STK4: variants seen among roughly 807,000 people sequenced by gnomAD.
STK4 encodes the protein serine/threonine-protein kinase 4.
A neutral mutation model predicts 64.9 loss-of-function variants in STK4; 30 were observed. That is an observed-to-expected ratio of 0.46 (90% CI 0.35 to 0.63). STK4 has a LOEUF of 0.63. Among genes scored for constraint, STK4 ranks in the 20% least tolerant of loss-of-function variants. STK4 has a pLI of 0.01. For missense variants in STK4, 466 were observed against 598.5 expected (o/e 0.78, Z 2.31); for synonymous variants, 177 against 199.0 (o/e 0.89, Z 0.93).
At chr20:45,060,921 C>T (rs1272983203) in intron 10 of STK4, among the ~76,000 whole-genome samples, 2 of 152,178 alleles carry the variant, frequency 1.3e-5, no homozygotes, top group Admixed American at 6.5e-5. Flanking sequence ...CCATACTCCT[C>T]GATCCTTACA....
intron 9 of STK4, among the ~76,000 whole-genome samples, chr20:45,015,649 A>C (rs2068128108): frequency 6.6e-6 from 1 of 152,218 alleles, no homozygotes. Context: ...ACAAAGGAGT[A>C]GTGGAGTGAA....
chr20:45,051,802 T>C (rs1354587679), intron 10 of STK4, among the ~76,000 whole-genome samples: 1 of 152,198 alleles, frequency 6.6e-6, no homozygotes, highest in African/African-American at 2.4e-5. Flanking sequence ...GATTATGCCA[T>C]TGTGGTTGAG....
chr20:45,028,440 C>T (rs1404253004), intron 10 of STK4, among the ~76,000 whole-genome samples: 2 of 151,954 alleles, frequency 1.3e-5, no homozygotes, highest in African/African-American at 2.4e-5. Flanking sequence ...AATCCTCCCA[C>T]CTCAGCCTTC....
chr20:45,053,308 T>C (rs778197283), intron 10 of STK4: 48 of 722,184 alleles, frequency 6.6e-5, no homozygotes, highest in Non-Finnish European at 9.4e-5. Flanking sequence ...CTTAAATGCC[T>C]GCGGTTTTTG....
chr20:44,978,729 A>T (rs1398447912), intron 3 of STK4, among the ~76,000 whole-genome samples, 158 bp downstream of exon 3: 1 of 150,606 alleles, frequency 6.6e-6, no homozygotes, highest in African/African-American at 2.4e-5. Context: ...AAATATGATG[A>T]TAATGGTTGT....
At chr20:45,057,606 T>C (rs1271292015) in intron 10 of STK4, among the ~76,000 whole-genome samples, 4 of 152,228 alleles carry the variant, frequency 2.6e-5, no homozygotes, top group Admixed American at 1.3e-4. Context: ...AGATTCCAAG[T>C]TGTAAGTCAG....
At chr20:44,968,978 GT>G (rs2067200576) in intron 1 of STK4, among the ~76,000 whole-genome samples, 1 of 152,172 alleles carries the variant, frequency 6.6e-6, no homozygotes, top group African/African-American at 2.4e-5. Flanking sequence ...TGTCAGAGTT[GT>G]TTCTTTTGAC....
At chr20:45,060,897 C>A (rs981307683) in intron 10 of STK4, among the ~76,000 whole-genome samples, 1 of 152,088 alleles carries the variant, frequency 6.6e-6, no homozygotes, top group Non-Finnish European at 1.5e-5. Flanking sequence ...TGTCCCATAC[C>A]CACTCTTACT....
intron 10 of STK4, among the ~76,000 whole-genome samples, chr20:45,051,603 C>T (rs780178689): frequency 2.6e-5 from 4 of 152,122 alleles, no homozygotes; most frequent in East Asian, 3.8e-4. Flanking sequence ...TCAACTGCAG[C>T]GATGCATTGC....
At chr20:44,968,042 CTG>C (rs1414070404) in intron 1 of STK4, among the ~76,000 whole-genome samples, 3 of 152,072 alleles carry the variant, frequency 2.0e-5, no homozygotes, top group African/African-American at 7.2e-5. Flanking sequence ...GATGATAAAA[CTG>C]AGATACAGAG....
intron 9 of STK4, among the ~76,000 whole-genome samples, chr20:45,022,635 C>T (rs974323497): frequency 6.6e-6 from 1 of 152,074 alleles, no homozygotes; most frequent in Admixed American, 6.5e-5. Context: ...TTTCATCATC[C>T]TTGGTTTAAA....
intron 5 of STK4, among the ~76,000 whole-genome samples, chr20:44,989,274 C>A (rs2067591237): frequency 6.6e-6 from 1 of 152,094 alleles, no homozygotes; most frequent in Non-Finnish European, 1.5e-5. Context: ...CCAACATTTT[C>A]TTTTTTGTGT....
intron 4 of STK4, among the ~76,000 whole-genome samples, chr20:44,986,503 A>G (rs1875609229): frequency 6.6e-6 from 1 of 151,856 alleles, no homozygotes; most frequent in African/African-American, 2.4e-5. Flanking sequence ...AAGCCTTGGT[A>G]AGGACTGACT....
At chr20:44,994,773 G>A (rs2067696235) in intron 5 of STK4, among the ~76,000 whole-genome samples, 1 of 151,950 alleles carries the variant, frequency 6.6e-6, no homozygotes, top group African/African-American at 2.4e-5. Flanking sequence ...TTATTTCGGT[G>A]CCTGATTTTC....
chr20:44,971,510 CCAATTCATAGTTATGTTT>C (rs1427457692), intron 1 of STK4, among the ~76,000 whole-genome samples: 1 of 152,076 alleles, frequency 6.6e-6, no homozygotes, highest in Non-Finnish European at 1.5e-5. Context: ...AGTCTGCAGT[CCAATTCATAGTTATGTTT>C]CAATTCATAG....
At chr20:45,015,028 A>G (rs189869775) in intron 9 of STK4, among the ~76,000 whole-genome samples, 3 of 152,352 alleles carry the variant, frequency 2.0e-5, no homozygotes, top group East Asian at 3.9e-4. Context: ...AAGCATAATG[A>G]CATAATTAAG....
intron 1 of STK4, among the ~76,000 whole-genome samples, chr20:44,971,106 C>T (rs1280467811): frequency 6.6e-6 from 1 of 151,364 alleles, no homozygotes; most frequent in African/African-American, 2.4e-5. Context: ...CACACACACA[C>T]ACACACACAC....
chr20:45,007,323 C>T lies in STK4; in HGVS notation c.1147+5970C>T, dbSNP rs571548905. Among the ~76,000 whole-genome samples, 7 of 152,182 alleles carry T rather than the reference C, an allele frequency of 4.6e-5. No homozygotes were observed. In the East Asian group the frequency reaches 7.7e-4, roughly 17 times the overall value. On this transcript the variant is annotated intron_variant, in intron 9 of 10. Coordinates refer to ENST00000372806, the MANE Select transcript of STK4 (RefSeq NM_006282.5). ...ATCCCAGCACTTTGGGAGGCCATGGCGGGCAGATCACAAGGTCAGAAGATC... is the reference window on the plus strand; with the variant it reads ...ATCCCAGCACTTTGGGAGGCCATGGTGGGCAGATCACAAGGTCAGAAGATC...
intron 10 of STK4, among the ~76,000 whole-genome samples, chr20:45,035,783 C>T (rs2068518193): frequency 6.6e-6 from 1 of 152,044 alleles, no homozygotes; most frequent in Non-Finnish European, 1.5e-5. Context: ...TATTCAACTA[C>T]TAGTTGAATT....
Sources: gnomAD v4.1 joint callset for allele counts (sites outside exome capture counted in the v4.1 genomes callset) on GRCh38, gnomAD v4.1.1 for gene constraint, MANE v1.5 for transcripts, NCBI Gene and HGNC (gene_info 2026-07-23, HGNC 2026-07-21) for gene names.